Variants in TMEM114 observed in about 807,000 individuals in gnomAD.
The protein encoded by TMEM114 is claudin-26.
A neutral mutation model predicts 6.2 loss-of-function variants in TMEM114; 6 were observed. The ratio of observed to expected loss-of-function variants is 0.97; its 90% CI spans 0.53 to 1.91. TMEM114 has a LOEUF of 1.91. TMEM114 is among the 40% of genes most tolerant of loss of function. The pLI is 0.01. For synonymous variants in TMEM114, 104 were observed against 73.0 expected, an observed-to-expected ratio of 1.42 and a Z score of -2.16; for missense variants, 218 against 158.3, an observed-to-expected ratio of 1.38 and a Z score of -2.02.
In TMEM114 at chr16:8,562,590, AAGTGAATGAGTGAGTG is replaced by A. The variant is rs373716843; in HGVS notation, n.213-24780_213-24765del. On this transcript the variant is annotated intron_variant and non_coding_transcript_variant, in intron 2 of 2. Coordinates refer to the TMEM114 transcript ENST00000623677. ...TGAGTGAATGAGTGAGGAAATAAGTAAGTGAATGAGTGAGTGAGTGAATGAGTGAGTGAGTGAATGA... is the reference window on the plus strand; with the variant it reads ...TGAGTGAATGAGTGAGGAAATAAGTAAGTGAATGAGTGAGTGAGTGAATGA... 1.9e-3 allele frequency among the ~76,000 whole-genome samples: 171 copies of A among 89,064 alleles called. 4 individuals carry two copies. The highest frequency in any genetic ancestry group is 8.3e-3 in the Middle Eastern group (1 of 120). 58.4% of individuals were successfully genotyped at this position (89,064 alleles called of 152,430 possible). A position where few individuals can be genotyped will look rare whatever the true frequency, so the allele number is the denominator to read the frequency against.
At chr16:8,534,562 GA>G (rs1900301933), downstream of TMEM114, among the ~76,000 whole-genome samples, 1 of 152,126 alleles carries the variant, frequency 6.6e-6, no homozygotes, top group African/African-American at 2.4e-5. Flanking sequence ...CTTTGGCAGT[GA>G]AAGAAAAAAT....
chr16:8,582,502 A>C (rs1359766361), intron 2 of TMEM114, among the ~76,000 whole-genome samples: 1 of 152,180 alleles, frequency 6.6e-6, no homozygotes, highest in Non-Finnish European at 1.5e-5. Context: ...ACAGGCTAGG[A>C]GCTCCTCTGG....
At chr16:8,561,764 A>T (rs1046523849) in intron 2 of TMEM114, among the ~76,000 whole-genome samples, 1 of 152,112 alleles carries the variant, frequency 6.6e-6, no homozygotes, top group Non-Finnish European at 1.5e-5. Context: ...TGAATGAATG[A>T]GTGAGTGAGG....
intron 2 of TMEM114, among the ~76,000 whole-genome samples, chr16:8,562,581 GAAATAAGTAAGT>G (rs1901289791): frequency 0.011 from 281 of 26,240 alleles, 1 homozygote; most frequent in African/African-American, 0.034. Context: ...AATGAGTGAG[GAAATAAGTAAGT>G]GAATGAGTGA....
chr16:8,550,138 C>T (rs1381345950), intron 2 of TMEM114, among the ~76,000 whole-genome samples: 1 of 152,220 alleles, frequency 6.6e-6, no homozygotes, highest in Non-Finnish European at 1.5e-5. Context: ...AAGTCAGCTT[C>T]TTCCACCATC....
At chr16:8,564,813 ATGAG>A (rs147787323), downstream of TMEM114, among the ~76,000 whole-genome samples, 19,562 of 138,584 alleles carry the variant, frequency 0.14, 1,507 homozygotes, top group Middle Eastern at 0.23. Context: ...GAGTGAGTGA[ATGAG>A]TGAGTGAGTG....
chr16:8,561,292 A>G (rs922183849), intron 2 of TMEM114, among the ~76,000 whole-genome samples: 1 of 152,230 alleles, frequency 6.6e-6, no homozygotes, highest in Admixed American at 6.5e-5. Context: ...AATTAGGAGG[A>G]AGAGTTTCTG....
At chr16:8,564,229 G>C (rs62640206) in intron 2 of TMEM114, among the ~76,000 whole-genome samples, 1 of 27,752 alleles carries the variant, frequency 3.6e-5, no homozygotes, top group South Asian at 9.5e-4. Context: ...TAGTGAATGA[G>C]TGAGTTAGTG....
chr16:8,589,546 G>A, intron 1 of TMEM114, 73 bp downstream of exon 1: 1 of 398,428 alleles, frequency 2.5e-6, no homozygotes, highest in Non-Finnish European at 4.4e-6. Context: ...CCAAGCAACA[G>A]GTCCCAAGGG....
At chr16:8,586,956 G>A (rs1442460558) in intron 2 of TMEM114, among the ~76,000 whole-genome samples, 1 of 152,150 alleles carries the variant, frequency 6.6e-6, no homozygotes, top group Admixed American at 6.5e-5. Flanking sequence ...TCCTTTGGTG[G>A]AACTTAACTC....
At chr16:8,534,911 T>G (rs74007835), downstream of TMEM114, among the ~76,000 whole-genome samples, 1,614 of 152,346 alleles carry the variant, frequency 0.011, 33 homozygotes, top group African/African-American at 0.037. Context: ...CAAAGTAACA[T>G]GTGCCCAGCA....
chr16:8,548,871 G>A (rs368489048), intron 2 of TMEM114, among the ~76,000 whole-genome samples: 2 of 152,136 alleles, frequency 1.3e-5, no homozygotes, highest in Admixed American at 6.6e-5. Context: ...GAGAGATCCA[G>A]TTGTTGCCTG....
intron 2 of TMEM114, among the ~76,000 whole-genome samples, chr16:8,572,934 G>A (rs1006224119): frequency 1.3e-5 from 2 of 152,156 alleles, no homozygotes; most frequent in African/African-American, 4.8e-5. Context: ...ATGGCATTTT[G>A]GGGACAGCAC....
intron 2 of TMEM114, among the ~76,000 whole-genome samples, chr16:8,551,076 A>G (rs1900829326): frequency 1.3e-5 from 2 of 152,202 alleles, no homozygotes; most frequent in South Asian, 4.1e-4. Context: ...TCCTTGTTCT[A>G]CTGAGCTATG....
intron 2 of TMEM114, among the ~76,000 whole-genome samples, chr16:8,538,407 G>C (rs552509087): frequency 7.9e-5 from 12 of 152,148 alleles, no homozygotes; most frequent in Non-Finnish European, 1.8e-4. Context: ...CAGGAGAGAA[G>C]TGTCATCGTG....
At chr16:8,546,810 G>T (rs192228332) in intron 2 of TMEM114, among the ~76,000 whole-genome samples, 124 of 152,286 alleles carry the variant, frequency 8.1e-4, no homozygotes, top group African/African-American at 2.8e-3. Context: ...TAAAGGTTTC[G>T]CTCTCCTCTA....
intron 2 of TMEM114, among the ~76,000 whole-genome samples, chr16:8,550,501 A>G (rs938355135): frequency 2.0e-5 from 3 of 152,084 alleles, no homozygotes; most frequent in Non-Finnish European, 2.9e-5. Flanking sequence ...CAACATGGTG[A>G]AACCCCATCT....
At chr16:8,570,203 C>T (rs912731791) in intron 3 of TMEM114, among the ~76,000 whole-genome samples, 198 bp from the exon 4 acceptor site, 25 of 152,236 alleles carry the variant, frequency 1.6e-4, no homozygotes, top group African/African-American at 5.5e-4. Context: ...CAACTCCTAC[C>T]CTTCCCACAC....
chr16:8,587,478 T>C (rs1330829593), intron 2 of TMEM114, among the ~76,000 whole-genome samples: 1 of 152,126 alleles, frequency 6.6e-6, no homozygotes, highest in Non-Finnish European at 1.5e-5. Flanking sequence ...CCAAGTCAAG[T>C]TGGTGGGATA....
Sources: allele counts gnomAD v4.1 joint callset (sites outside exome capture counted in the v4.1 genomes callset), GRCh38; gene constraint gnomAD v4.1.1; transcripts MANE v1.5; gene names NCBI Gene and HGNC (gene_info 2026-07-23, HGNC 2026-07-21).